SLC41A3: variants seen among roughly 807,000 people sequenced by gnomAD.
SLC41A3 encodes SLC41A1-like 2.
SLC41A3 carries 44 observed loss-of-function variants against 45.4 expected under a neutral mutation model. That is an observed-to-expected ratio of 0.97 (90% CI 0.76 to 1.25). The LOEUF (loss-of-function observed/expected upper bound fraction) is 1.25, where lower values mean the gene tolerates loss of function less well. Ranked by LOEUF, SLC41A3 falls within the 50% of genes most tolerant of loss-of-function variation. SLC41A3 has a pLI of 0.00. For synonymous variants in SLC41A3, 256 were observed against 252.4 expected, an observed-to-expected ratio of 1.01 and a Z score of -0.13; for missense variants, 550 against 600.6, an observed-to-expected ratio of 0.92 and a Z score of 0.88.
chr3:126,051,136 C>T, intron 2 of SLC41A3, 86 bp from the exon 3 acceptor site: 1 of 1,388,826 alleles, frequency 7.2e-7, no homozygotes, highest in East Asian at 2.6e-5. Flanking sequence ...CAGCAAGTCA[C>T]TTTTCACTCC....
At chr3:126,070,362 A>C (rs931099160) in intron 1 of SLC41A3, 3 of 152,262 alleles carry the variant, frequency 2.0e-5, no homozygotes, top group Non-Finnish European at 4.4e-5. Context: ...CGTATTGTGA[A>C]CTGCGCACGC....
intron 1 of SLC41A3, among the ~76,000 whole-genome samples, chr3:126,099,033 C>T (rs989235293): frequency 6.7e-6 from 1 of 149,874 alleles, no homozygotes; most frequent in African/African-American, 2.5e-5. Context: ...TCCCAAAGTG[C>T]TGGGATTACG....
At chr3:126,096,419 C>T (rs1945604083) in intron 1 of SLC41A3, among the ~76,000 whole-genome samples, 1 of 152,146 alleles carries the variant, frequency 6.6e-6, no homozygotes, top group East Asian at 1.9e-4. Flanking sequence ...CATAAACTGG[C>T]CCCAAAACTG....
chr3:126,064,342 C>T (rs1944240905), intron 2 of SLC41A3, among the ~76,000 whole-genome samples: 1 of 152,076 alleles, frequency 6.6e-6, no homozygotes, highest in South Asian at 2.1e-4. Context: ...TGTGGAATTA[C>T]GCATATAGTC....
rs1939148529 is a variant in SLC41A3 at position 126,006,778 on chromosome 3, A to T, written c.*238T>A. ...GTGCACACTTGCACGCTCATTAAGC[A>T]TGTGCACACATCATATTCACACACT... On this transcript the variant is annotated 3_prime_UTR_variant, in exon 11 of 11. Coordinates refer to ENST00000360370, the MANE Select transcript of SLC41A3 (RefSeq NM_017836.4). 14 of 1,442,970 alleles carry T rather than the reference A, an allele frequency of 9.7e-6. No individual in the cohort carries two copies. In the South Asian group the frequency reaches 2.1e-4, roughly 22 times the overall value. 89.4% of individuals were successfully genotyped at this position (1,442,970 alleles called of 1,614,324 possible).
chr3:126,085,124 T>C (rs1945349030), upstream of SLC41A3, among the ~76,000 whole-genome samples: 1 of 152,250 alleles, frequency 6.6e-6, no homozygotes, highest in South Asian at 2.1e-4. Flanking sequence ...ATGTTTAAGT[T>C]GACCTATACC....
intron 4 of SLC41A3, among the ~76,000 whole-genome samples, chr3:126,032,175 G>A (rs535758730): frequency 2.0e-5 from 3 of 152,202 alleles, no homozygotes; most frequent in Non-Finnish European, 2.9e-5. Flanking sequence ...AGACAGCGCG[G>A]CCAGGCCCAC....
At position 126,007,133 on chromosome 3, in the gene SLC41A3, T is replaced by G. The variant is rs1405533335; in HGVS notation, c.1347A>C (p.Thr449=). The G allele has an allele frequency of 6.2e-7, 1 of 1,614,100 alleles. No homozygotes were observed. Among genetic ancestry groups the G allele is most frequent in the East Asian group, 2.2e-5 (1 of 44,882 alleles). Residue 449 remains threonine, a synonymous_variant, in exon 11 of 11, where the codon ACA becomes ACC. Coordinates refer to ENST00000360370, the MANE Select transcript of SLC41A3 (RefSeq NM_017836.4). ...DPDNHCIPYL[T]GLGDLLGTGL... ...CAGTACCGAGCAGGTCCCCCAGCCC[T>G]GTAAGGTAGGGGATGCAGTGGTTGT...
intron 1 of SLC41A3, chr3:126,101,368 A>G (rs546097982): frequency 2.0e-5 from 3 of 152,360 alleles, no homozygotes; most frequent in African/African-American, 4.8e-5. Flanking sequence ...AGGTTATATG[A>G]CTTAAGAAAG....
At chr3:126,096,685 T>G (rs2108140037) in intron 1 of SLC41A3, among the ~76,000 whole-genome samples, 1 of 152,384 alleles carries the variant, frequency 6.6e-6, no homozygotes, top group African/African-American at 2.4e-5. Context: ...TAAGGGATAC[T>G]TTTAGTTAAT....
In SLC41A3 at chr3:126,006,939, CA is replaced by C. The variant is rs1939162984; in HGVS notation, c.*76del. 2.5e-6 allele frequency: 4 copies of C among 1,593,582 alleles called. No individual in the cohort carries two copies. In the South Asian group the frequency reaches 3.4e-5, roughly 14 times the overall value. On this transcript the variant is annotated 3_prime_UTR_variant, in exon 11 of 11. Transcript: ENST00000360370. ...GGGGTCAACCATCCCAAGGACCTGGCAAGGGAGAAACTGAATTCTGTATCCC... is the reference window on the plus strand; with the variant it reads ...GGGGTCAACCATCCCAAGGACCTGGCAGGGAGAAACTGAATTCTGTATCCC...
chr3:126,008,450 G>A (rs1290795493), intron 10 of SLC41A3, among the ~76,000 whole-genome samples: 2 of 151,880 alleles, frequency 1.3e-5, no homozygotes, highest in African/African-American at 2.4e-5. Flanking sequence ...AGTGTGTGGT[G>A]TGGAGTGTGT....
At chr3:126,009,453 T>C (rs1331446804) in intron 9 of SLC41A3, among the ~76,000 whole-genome samples, 1 of 152,226 alleles carries the variant, frequency 6.6e-6, no homozygotes, top group Non-Finnish European at 1.5e-5. Context: ...GCCCTGGGTT[T>C]CCTTTAGATT....
intron 6 of SLC41A3, among the ~76,000 whole-genome samples, chr3:126,017,658 C>T (rs1940442032): frequency 6.6e-6 from 1 of 152,246 alleles, no homozygotes; most frequent in Admixed American, 6.5e-5. Flanking sequence ...GTCTCACCCT[C>T]AGCCCCACCC....
At chr3:126,088,502 T>C (rs1945435371), upstream of SLC41A3, among the ~76,000 whole-genome samples, 1 of 152,196 alleles carries the variant, frequency 6.6e-6, no homozygotes, top group Non-Finnish European at 1.5e-5. Context: ...TGGTGAAGTT[T>C]ATAAAACACA....
At chr3:126,049,726 C>T (rs982543573) in intron 3 of SLC41A3, among the ~76,000 whole-genome samples, 1 of 152,206 alleles carries the variant, frequency 6.6e-6, no homozygotes, top group Non-Finnish European at 1.5e-5. Context: ...TTTCCTCTCG[C>T]TGCTGTAACA....
intron 1 of SLC41A3, among the ~76,000 whole-genome samples, chr3:126,099,079 A>T (rs1472778402): frequency 6.6e-6 from 1 of 151,836 alleles, no homozygotes; most frequent in Non-Finnish European, 1.5e-5. Context: ...ATTTTATGTT[A>T]AGTATGTTTT....
At chr3:126,029,094 C>T (rs1021818073) in intron 4 of SLC41A3, among the ~76,000 whole-genome samples, 1 of 151,826 alleles carries the variant, frequency 6.6e-6, no homozygotes, top group Non-Finnish European at 1.5e-5. Context: ...AATGCTGGAA[C>T]GAGTTAAGAC....
Position 126,008,813 on chromosome 3 carries a change from G to A in SLC41A3, c.1173C>T (p.Tyr391=). Residue 391 remains tyrosine, a synonymous_variant, in exon 10 of 11, where the codon TAC becomes TAT. Transcript: ENST00000360370. ...ACTGACCCTCCACCAGGTAGATGAT[G>A]TAGAAGAAAATCAGATGGCCTGGGA... ...LVVPGHLIFF[Y]IIYLVEGQSV... is the part of the protein sequence containing the mutation. The A allele has an allele frequency of 6.2e-7, 1 of 1,614,188 alleles. No homozygotes were observed. The highest frequency in any genetic ancestry group is 8.5e-7 in the Non-Finnish European group (1 of 1,180,038).
Sources: allele counts gnomAD v4.1 joint callset (sites outside exome capture counted in the v4.1 genomes callset), GRCh38; gene constraint gnomAD v4.1.1; transcripts MANE v1.5; gene names NCBI Gene and HGNC (gene_info 2026-07-23, HGNC 2026-07-21).